Variants in NALCN observed in about 807,000 individuals in gnomAD.
NALCN encodes sodium leak channel, non-selective.
In NALCN, 111 loss-of-function variants were observed where a neutral mutation model predicts 225.3. The ratio of observed to expected loss-of-function variants is 0.49; its 90% CI spans 0.42 to 0.58. The LOEUF (loss-of-function observed/expected upper bound fraction) is 0.58, where lower values mean the gene tolerates loss of function less well. Among genes scored for constraint, NALCN ranks in the 20% least tolerant of loss-of-function variants. NALCN has a pLI of 0.00. For synonymous variants in NALCN, 764 were observed against 769.0 expected (o/e 0.99, Z 0.11); for missense variants, 1,378 against 2,202.4 (o/e 0.63, Z 7.49).
chr13:101,151,559 A>G (rs757362139), intron 15 of NALCN, among the ~76,000 whole-genome samples: 28 of 152,188 alleles, frequency 1.8e-4, no homozygotes, highest in Non-Finnish European at 2.8e-4. Context: ...AAATAACCAC[A>G]TTATCTTCAA....
chr13:101,265,159 C>T (rs1036009844), intron 10 of NALCN, among the ~76,000 whole-genome samples: 5 of 152,146 alleles, frequency 3.3e-5, no homozygotes, highest in Non-Finnish European at 5.9e-5. Flanking sequence ...GAAACTAACA[C>T]AGCATTGTCA....
chr13:101,179,408 C>G (rs1164951969), intron 14 of NALCN, among the ~76,000 whole-genome samples: 2 of 152,098 alleles, frequency 1.3e-5, no homozygotes, highest in African/African-American at 2.4e-5. Context: ...TTATGCAAAG[C>G]TAAAATAAAT....
chr13:101,293,799 C>T (rs905283838), intron 7 of NALCN, among the ~76,000 whole-genome samples: 4 of 152,170 alleles, frequency 2.6e-5, no homozygotes, highest in Non-Finnish European at 5.9e-5. Flanking sequence ...AAGTGCAGTC[C>T]TATCGCCTAT....
At position 101,111,197 on chromosome 13, in the gene NALCN, C is replaced by T; in HGVS notation, c.2222G>A (p.Gly741Glu). ...CTTTGCGGGCTGCCCCTCAAATGAT[C>T]CGCTCAGCATGCGCTGTCGGGTGCA... ...RACTRQRMLS[G>E]SFEGQPAKER... The change falls in exon 19 of 44, where the codon GGA becomes GAA. Residue 741 changes from glycine (G) to glutamate (E), a missense_variant. Coordinates refer to ENST00000251127, the MANE Select transcript of NALCN (RefSeq NM_052867.4). 6.2e-7 allele frequency: 1 copy of T among 1,606,898 alleles called. No individual in the cohort carries two copies. Among genetic ancestry groups the T allele is most frequent in the Non-Finnish European group, 8.5e-7 (1 of 1,175,072 alleles).
rs188196344 is a variant in NALCN at position 101,357,141 on chromosome 13, C to T, written c.645-11721G>A. On this transcript the variant is annotated intron_variant, in intron 6 of 43. Transcript: ENST00000251127. ...AAAACTGGCACAAGACAAGGATGCCCTCTCTCACCACTCCTATTCAACATA... is the reference window on the plus strand; with the variant it reads ...AAAACTGGCACAAGACAAGGATGCCTTCTCTCACCACTCCTATTCAACATA... 5.2e-3 allele frequency among the ~76,000 whole-genome samples: 785 copies of T among 152,252 alleles called. 4 individuals are homozygous for T. Among genetic ancestry groups the T allele is most frequent in the Non-Finnish European group, 8.6e-3 (584 of 68,018 alleles).
At chr13:101,393,328 G>C (rs369076933) in intron 3 of NALCN, among the ~76,000 whole-genome samples, 12 of 152,278 alleles carry the variant, frequency 7.9e-5, no homozygotes, top group Admixed American at 5.2e-4. Flanking sequence ...TGACCATGTG[G>C]GAAAGAAGCA....
At chr13:101,415,206 CACAT>C (rs1309231328) in intron 1 of NALCN, among the ~76,000 whole-genome samples, 1,203 of 104,770 alleles carry the variant, frequency 0.011, 104 homozygotes, top group African/African-American at 0.057. Flanking sequence ...ACAAATCACA[CACAT>C]ATATATATAT....
intron 16 of NALCN, among the ~76,000 whole-genome samples, chr13:101,143,865 G>A (rs2037214735): frequency 6.6e-6 from 1 of 152,158 alleles, no homozygotes; most frequent in Admixed American, 6.5e-5. Flanking sequence ...TCATAAGAAT[G>A]ACTAAGAGAG....
chr13:101,190,458 C>CT (rs2039636926), intron 14 of NALCN, among the ~76,000 whole-genome samples: 1 of 152,194 alleles, frequency 6.6e-6, no homozygotes, highest in Non-Finnish European at 1.5e-5. Flanking sequence ...GACCCCAGGG[C>CT]TAAGTGTTGT....
At chr13:101,309,111 T>A (rs1020914261) in intron 7 of NALCN, among the ~76,000 whole-genome samples, 1 of 152,184 alleles carries the variant, frequency 6.6e-6, no homozygotes, top group Non-Finnish European at 1.5e-5. Context: ...AAATTATTTC[T>A]CAAGAAAAAG....
At position 101,283,956 on chromosome 13, in the gene NALCN, C is replaced by T. The variant is rs780182598; in HGVS notation, c.1111G>A (p.Gly371Arg). Residue 371 changes from glycine (G) to arginine (R), a missense_variant, in exon 10 of 44, where the codon GGA becomes AGA. Physicochemically the swap from Gly to Arg is moderately radical, Grantham distance 125. Around this residue, in one of 19 missense-constraint regions of NALCN, gnomAD observed 144 missense variants for 187.7 expected, o/e 0.77. Coordinates refer to ENST00000251127, the MANE Select transcript of NALCN (RefSeq NM_052867.4). The stretch of plus-strand genomic sequence containing the variant: ...ACCTGGAGGCAGGCTGGGGCGCGTC[C>T]CTGGGGCTTGTTGACATCCACAGCT... ...LVAVDVNKPQ[G>R]RAPACLQKMM... 2 of 1,613,482 alleles carry T rather than the reference C, an allele frequency of 1.2e-6. No homozygotes were observed. The highest frequency in any genetic ancestry group is 1.7e-6 in the Non-Finnish European group (2 of 1,179,796).
chr13:101,201,683 G>A (rs756134334), intron 13 of NALCN, among the ~76,000 whole-genome samples: 5 of 151,774 alleles, frequency 3.3e-5, no homozygotes, highest in Admixed American at 6.6e-5. Flanking sequence ...ACTAAAATAC[G>A]TGTAAAATGT....
intron 7 of NALCN, among the ~76,000 whole-genome samples, chr13:101,293,224 C>A (rs1307600454): frequency 6.6e-6 from 1 of 152,160 alleles, no homozygotes; most frequent in Admixed American, 6.5e-5. Flanking sequence ...TATCTTGCCT[C>A]TTTAATAGTC....
intron 13 of NALCN, among the ~76,000 whole-genome samples, chr13:101,210,397 A>T (rs1281298893): frequency 6.6e-6 from 1 of 152,244 alleles, no homozygotes; most frequent in Non-Finnish European, 1.5e-5. Flanking sequence ...CCCAAGAGAA[A>T]GAATGAATAT....
chr13:101,069,049 T>G (rs1400154096), intron 37 of NALCN, among the ~76,000 whole-genome samples: 3 of 152,246 alleles, frequency 2.0e-5, no homozygotes, highest in Non-Finnish European at 4.4e-5. Context: ...CCAAGGTTAT[T>G]GCCATTTTTA....
intron 1 of NALCN, among the ~76,000 whole-genome samples, chr13:101,406,187 G>C (rs146332427): frequency 0.017 from 2,556 of 151,588 alleles, 23 homozygotes; most frequent in Middle Eastern, 0.037. Context: ...TTAGCTGGGA[G>C]TACTGGCATG....
At chr13:101,157,991 T>C (rs1037919445) in intron 15 of NALCN, among the ~76,000 whole-genome samples, 2 of 152,108 alleles carry the variant, frequency 1.3e-5, no homozygotes, top group African/African-American at 4.8e-5. Context: ...GACCTTGTGA[T>C]CCACCCACCT....
chr13:101,083,914 C>T, intron 30 of NALCN, 110 bp from the exon 31 acceptor site: 1 of 893,798 alleles, frequency 1.1e-6, no homozygotes, highest in Non-Finnish European at 1.6e-6. Context: ...CTTGCACTGA[C>T]CATGTTCTTC....
rs1217184363 is a variant in NALCN at position 101,405,099 on chromosome 13, C to G, written c.-39-5934G>C. Among the ~76,000 whole-genome samples the G allele has an allele frequency of 3.9e-5, 6 of 152,124 alleles. No homozygotes were observed. In the East Asian group the frequency reaches 9.6e-4, roughly 24 times the overall value. On this transcript the variant is annotated intron_variant, in intron 1 of 43. Coordinates refer to ENST00000251127, the MANE Select transcript of NALCN (RefSeq NM_052867.4). ...AGCCACAGAACTCAAAACAACAAAC[C>G]ACTAAAATCTACATTTGAACAAGAG...
Sources: allele counts gnomAD v4.1 joint callset (sites outside exome capture counted in the v4.1 genomes callset), GRCh38; gene constraint gnomAD v4.1.1; regional missense constraint gnomAD v4.1.1; transcripts MANE v1.5; gene names NCBI Gene and HGNC (gene_info 2026-07-23, HGNC 2026-07-21).